The following PTK2 variants were observed in gnomAD, a reference collection of about 807,000 sequenced individuals.
The protein encoded by PTK2 is protein tyrosine kinase 2, also known as focal adhesion kinase 1.
A neutral mutation model predicts 150.1 loss-of-function variants in PTK2; 45 were observed. The observed-to-expected ratio is 0.30, with a 90% confidence interval of 0.24 to 0.38. The LOEUF (loss-of-function observed/expected upper bound fraction) is 0.38. Among genes scored for constraint, PTK2 ranks in the 10% least tolerant of loss-of-function variants. The pLI, the probability that PTK2 is intolerant of heterozygous loss-of-function variation, is 1.00. For synonymous variants in PTK2, 432 were observed against 449.2 expected, an observed-to-expected ratio of 0.96 and a Z score of 0.48; for missense variants, 919 against 1,307.3, an observed-to-expected ratio of 0.70 and a Z score of 4.58.
At chr8:140,711,741 G>GT (rs1324415792) in intron 23 of PTK2, among the ~76,000 whole-genome samples, 5 of 152,194 alleles carry the variant, frequency 3.3e-5, no homozygotes, top group Admixed American at 2.6e-4. Context: ...ACAAACAGGT[G>GT]TAAGGATCTG....
chr8:140,960,414 T>A (rs1384501046), intron 1 of PTK2, among the ~76,000 whole-genome samples: 1 of 152,062 alleles, frequency 6.6e-6, no homozygotes, highest in Non-Finnish European at 1.5e-5. Flanking sequence ...TTCACCATGT[T>A]GGCCAGGCTG....
At chr8:140,937,887 A>G (rs985540592) in intron 1 of PTK2, among the ~76,000 whole-genome samples, 1 of 152,214 alleles carries the variant, frequency 6.6e-6, no homozygotes, top group African/African-American at 2.4e-5. Flanking sequence ...CAGGAGTTTG[A>G]GTCCAGCCCA....
chr8:140,839,450 A>T (rs781648055), intron 7 of PTK2, among the ~76,000 whole-genome samples: 5 of 152,230 alleles, frequency 3.3e-5, no homozygotes, highest in African/African-American at 4.8e-5. Flanking sequence ...TCAAATACAG[A>T]ACAGAAAACA....
At chr8:140,917,861 G>A (rs1488106183) in intron 2 of PTK2, among the ~76,000 whole-genome samples, 1 of 152,186 alleles carries the variant, frequency 6.6e-6, no homozygotes, top group Admixed American at 6.5e-5. Flanking sequence ...GATATAGGAG[G>A]GGACACTAGA....
chr8:140,842,602 G>C (rs2100122990), intron 7 of PTK2, among the ~76,000 whole-genome samples: 1 of 151,942 alleles, frequency 6.6e-6, no homozygotes, highest in Non-Finnish European at 1.5e-5. Flanking sequence ...GAATAGTCAA[G>C]GTGCGATAAG....
Position 140,967,798 on chromosome 8 carries a change from C to G in PTK2, c.-122+33327G>C, listed in dbSNP as rs182354489. On this transcript the variant is annotated intron_variant, in intron 1 of 31. Transcript: ENST00000522684. The stretch of plus-strand genomic sequence containing the variant: ...TAATCCATATCCTAACAATTTAACT[C>G]ATCTATGAAGCTCCCCAATGTTCAA... 2.0e-5 allele frequency among the ~76,000 whole-genome samples: 3 copies of G among 152,242 alleles called. No homozygotes were observed. In the East Asian group the frequency reaches 5.8e-4, roughly 29 times the overall value.
At chr8:140,727,316 A>G (rs2154345792) in intron 22 of PTK2, among the ~76,000 whole-genome samples, 1 of 152,292 alleles carries the variant, frequency 6.6e-6, no homozygotes, top group South Asian at 2.1e-4. Context: ...TTAAATTCCT[A>G]TTAAATTCAG....
intron 14 of PTK2, among the ~76,000 whole-genome samples, chr8:140,772,173 A>G (rs1388644645): frequency 2.0e-5 from 3 of 152,226 alleles, no homozygotes; most frequent in Non-Finnish European, 4.4e-5. Flanking sequence ...TGGACTTTGT[A>G]TATGATGGCC....
intron 1 of PTK2, among the ~76,000 whole-genome samples, chr8:140,930,303 TA>T (rs1316489897): frequency 5.9e-5 from 9 of 152,094 alleles, no homozygotes; most frequent in African/African-American, 2.2e-4. Context: ...ATCAAAAAAA[TA>T]AGGCAGCTCC....
chr8:140,675,342 G>A, intron 28 of PTK2, 118 bp downstream of exon 31: 1 of 1,070,102 alleles, frequency 9.3e-7, no homozygotes. Context: ...ACTTGCTGTG[G>A]TCTGTAGAGG....
chr8:140,752,333 A>C lies in PTK2; in HGVS notation c.1333-17T>G. ...TGGATTCTCCTGTGTTAGGGAAATT[A>C]TAGAATCACACACACATGCAAAAAG... On this transcript the variant is annotated splice_polypyrimidine_tract_variant and intron_variant, in intron 16 of 31. Coordinates refer to ENST00000522684, the Ensembl canonical transcript of PTK2. 1 of 1,605,870 alleles carries C rather than the reference A, an allele frequency of 6.2e-7. No homozygotes were observed. Among genetic ancestry groups the C allele is most frequent in the African/African-American group, 1.3e-5 (1 of 74,846 alleles).
chr8:140,733,617 C>T (rs1416062334), intron 22 of PTK2, among the ~76,000 whole-genome samples: 4 of 151,976 alleles, frequency 2.6e-5, no homozygotes, highest in Non-Finnish European at 5.9e-5. Context: ...AAACAACATG[C>T]AATAAAGCAT....
At chr8:140,698,858 G>A (rs2100028451) in intron 26 of PTK2, among the ~76,000 whole-genome samples, 1 of 151,236 alleles carries the variant, frequency 6.6e-6, no homozygotes, top group African/African-American at 2.4e-5. Context: ...CAAGTGATCA[G>A]CCCGCCTCAG....
At chr8:140,858,244 T>TTG (rs2100133930) in intron 5 of PTK2, among the ~76,000 whole-genome samples, 1 of 151,564 alleles carries the variant, frequency 6.6e-6, no homozygotes, top group Non-Finnish European at 1.5e-5. Context: ...AAAAACAAGC[T>TTG]AACACATATG....
chr8:140,914,007 A>G (rs2100164221), intron 2 of PTK2, among the ~76,000 whole-genome samples: 3 of 152,190 alleles, frequency 2.0e-5, no homozygotes, highest in African/African-American at 7.2e-5. Context: ...AAATTTACTA[A>G]TCATTGGGTT....
At chr8:140,864,578 C>T (rs62521881) in intron 4 of PTK2, among the ~76,000 whole-genome samples, 179 bp from the exon 5 acceptor site, 38,649 of 151,998 alleles carry the variant, frequency 0.25, 5,527 homozygotes, top group Admixed American at 0.37. Context: ...AAAAAAAGAG[C>T]ACATATCATA....
chr8:140,756,923 A>G (rs1037549755), intron 16 of PTK2, among the ~76,000 whole-genome samples: 3 of 151,582 alleles, frequency 2.0e-5, no homozygotes, highest in African/African-American at 7.3e-5. Context: ...CGGGAGGCGG[A>G]GCTTGCAGTG....
At chr8:140,806,434 G>A (rs537551403) in intron 10 of PTK2, among the ~76,000 whole-genome samples, 24 of 152,120 alleles carry the variant, frequency 1.6e-4, no homozygotes, top group African/African-American at 4.8e-4. Context: ...CCAACAGACC[G>A]AGAGCTGAAC....
chr8:140,931,137 G>C (rs2100171596), intron 1 of PTK2, among the ~76,000 whole-genome samples: 1 of 151,542 alleles, frequency 6.6e-6, no homozygotes, highest in East Asian at 1.9e-4. Flanking sequence ...AATTCACATG[G>C]ATATGCAATG....
Sources: gnomAD v4.1 joint callset for allele counts (sites outside exome capture counted in the v4.1 genomes callset) on GRCh38, gnomAD v4.1.1 for gene constraint, MANE v1.5 for transcripts, NCBI Gene and HGNC (gene_info 2026-07-23, HGNC 2026-07-21) for gene names.